SCFD2: variants seen among roughly 807,000 people sequenced by gnomAD.
SCFD2 encodes the protein sec1 family domain containing 2.
SCFD2 carries 54 observed loss-of-function variants against 58.9 expected under a neutral mutation model. The ratio of observed to expected loss-of-function variants is 0.92; its 90% CI spans 0.74 to 1.15. The LOEUF (loss-of-function observed/expected upper bound fraction) is 1.15, where lower values mean the gene tolerates loss of function less well. Ranked by LOEUF, SCFD2 falls within the 50% of genes most tolerant of loss-of-function variation. The pLI, the probability that SCFD2 is intolerant of heterozygous loss-of-function variation, is 0.00. For missense variants in SCFD2, 805 were observed against 836.6 expected, an observed-to-expected ratio of 0.96 and a Z score of 0.47; for synonymous variants, 321 against 335.9, an observed-to-expected ratio of 0.96 and a Z score of 0.49.
intron 5 of SCFD2, among the ~76,000 whole-genome samples, chr4:52,992,734 AGAGCCCCTCCGCCCG>A (rs1721645810): frequency 5.3e-5 from 8 of 151,172 alleles, no homozygotes; most frequent in Non-Finnish European, 1.0e-4. Flanking sequence ...TGAGAAGTGA[AGAGCCCCTCCGCCCG>A]GCAGCCGCCC....
chr4:52,966,311 A>G (rs1231777013), intron 5 of SCFD2, among the ~76,000 whole-genome samples: 1 of 152,232 alleles, frequency 6.6e-6, no homozygotes, highest in Non-Finnish European at 1.5e-5. Context: ...TCTCCTGTGC[A>G]TGTGCAAAGT....
At chr4:53,304,553 C>G (rs926707679) in intron 3 of SCFD2, among the ~76,000 whole-genome samples, 2 of 151,856 alleles carry the variant, frequency 1.3e-5, no homozygotes, top group African/African-American at 4.8e-5. Flanking sequence ...ATCTTGTCTT[C>G]TTGCTTTATT....
intron 7 of SCFD2, among the ~76,000 whole-genome samples, chr4:52,896,592 C>T (rs1419942956): frequency 6.6e-5 from 10 of 152,276 alleles, no homozygotes; most frequent in South Asian, 4.2e-4. Flanking sequence ...AGTCAGGTAG[C>T]ATGATGCCTC....
intron 5 of SCFD2, among the ~76,000 whole-genome samples, chr4:52,962,908 T>G (rs138474471): frequency 1.3e-5 from 2 of 152,298 alleles, no homozygotes; most frequent in African/African-American, 4.8e-5. Context: ...AAATTAATTA[T>G]CTCTGTGGAT....
chr4:53,145,182 G>T, intron 5 of SCFD2, 151 bp downstream of exon 5: 1 of 918,378 alleles, frequency 1.1e-6, no homozygotes, highest in Non-Finnish European at 1.6e-6. Flanking sequence ...GGGGACTGTT[G>T]CTATAGGCTG....
intron 5 of SCFD2, among the ~76,000 whole-genome samples, chr4:53,125,741 G>A (rs1725607932): frequency 1.3e-5 from 2 of 152,198 alleles, no homozygotes; most frequent in South Asian, 2.1e-4. Context: ...TATGATGAAA[G>A]ACTACCCAAT....
At chr4:52,928,255 C>T (rs1719907941) in intron 5 of SCFD2, among the ~76,000 whole-genome samples, 2 of 152,106 alleles carry the variant, frequency 1.3e-5, no homozygotes, top group Admixed American at 1.3e-4. Flanking sequence ...AGGATCACTT[C>T]AGCCCAGGAG....
At chr4:53,337,446 A>C (rs763217275) in intron 2 of SCFD2, among the ~76,000 whole-genome samples, 3 of 152,254 alleles carry the variant, frequency 2.0e-5, no homozygotes, top group Non-Finnish European at 2.9e-5. Flanking sequence ...GAGGATATTC[A>C]GTCCATAACA....
chr4:53,041,790 G>T (rs1722907126), intron 5 of SCFD2, among the ~76,000 whole-genome samples: 1 of 152,082 alleles, frequency 6.6e-6, no homozygotes, highest in African/African-American at 2.4e-5. Context: ...CTTGTTGTTG[G>T]TGTTAAAATA....
At chr4:52,998,240 A>C (rs139582319) in intron 5 of SCFD2, among the ~76,000 whole-genome samples, 5,767 of 152,296 alleles carry the variant, frequency 0.038, 142 homozygotes, top group Admixed American at 0.06. Flanking sequence ...TCAGATACTC[A>C]GTAAAGTCCT....
At chr4:53,252,224 G>A (rs1367063504) in intron 4 of SCFD2, among the ~76,000 whole-genome samples, 1 of 141,410 alleles carries the variant, frequency 7.1e-6, no homozygotes, top group Non-Finnish European at 1.5e-5. Context: ...ACTGCTCAAG[G>A]AAATAAAAGA....
chr4:53,336,018 C>T (rs555006254), intron 2 of SCFD2, among the ~76,000 whole-genome samples: 3 of 152,214 alleles, frequency 2.0e-5, no homozygotes, highest in East Asian at 1.9e-4. Flanking sequence ...ATTTAAAGCA[C>T]GGGGATCCCT....
At chr4:53,248,874 T>A (rs1040901250) in intron 4 of SCFD2, among the ~76,000 whole-genome samples, 3 of 152,034 alleles carry the variant, frequency 2.0e-5, no homozygotes, top group African/African-American at 7.3e-5. Flanking sequence ...ACAGAAAAAC[T>A]CGAAATTCTA....
At position 53,197,498 on chromosome 4, in the gene SCFD2, A is replaced by C. The variant is rs577822559; in HGVS notation, c.1312-51916T>G. Among the ~76,000 whole-genome samples, 24 of 152,210 alleles carry C rather than the reference A, an allele frequency of 1.6e-4. 1 individual carries two copies. The South Asian group carries it at 2.1e-3, about 13-fold the overall frequency. ...TGGCATAATTACAGAAATTATTACAAAATTTCAGATTTTTTCCCCAAAGCC... is the reference window on the plus strand; with the variant it reads ...TGGCATAATTACAGAAATTATTACACAATTTCAGATTTTTTCCCCAAAGCC... On this transcript the variant is annotated intron_variant, in intron 4 of 8. Transcript: ENST00000401642.
chr4:53,177,925 CA>C (rs1727394805), intron 4 of SCFD2, among the ~76,000 whole-genome samples: 1 of 152,192 alleles, frequency 6.6e-6, no homozygotes, highest in South Asian at 2.1e-4. Flanking sequence ...AGTCTGAGAT[CA>C]AACTGCAAGG....
At chr4:53,007,274 G>T (rs1451917855) in intron 5 of SCFD2, among the ~76,000 whole-genome samples, 1 of 144,920 alleles carries the variant, frequency 6.9e-6, no homozygotes, top group Non-Finnish European at 1.5e-5. Flanking sequence ...GTAAGACCTT[G>T]TTGAGAGGAG....
At chr4:53,248,578 G>C (rs566171875) in intron 4 of SCFD2, among the ~76,000 whole-genome samples, 2,770 of 152,328 alleles carry the variant, frequency 0.018, 89 homozygotes, top group African/African-American at 0.063. Context: ...GGAGATCTGA[G>C]AATGGGCAGA....
intron 4 of SCFD2, among the ~76,000 whole-genome samples, chr4:53,178,313 CGGTCAGGCA>C (rs1204385002): frequency 3.9e-5 from 6 of 152,182 alleles, no homozygotes; most frequent in Non-Finnish European, 8.8e-5. Context: ...TCCAGAGGAA[CGGTCAGGCA>C]GCAACATCTG....
chr4:52,950,220 G>A, intron 5 of SCFD2: 1 of 152,208 alleles, frequency 6.6e-6, no homozygotes, highest in East Asian at 1.9e-4. Flanking sequence ...AGTCATTTAG[G>A]TATTGAGTTT....
Sources: allele counts gnomAD v4.1 joint callset (sites outside exome capture counted in the v4.1 genomes callset), GRCh38; gene constraint gnomAD v4.1.1; transcripts MANE v1.5; gene names NCBI Gene and HGNC (gene_info 2026-07-23, HGNC 2026-07-21).